The following GRK3 variants were observed in gnomAD, a reference collection of about 807,000 sequenced individuals.
GRK3 encodes the protein adrenergic, beta, receptor kinase 2.
A neutral mutation model predicts 95.7 loss-of-function variants in GRK3; 54 were observed. The observed-to-expected ratio is 0.56, with a 90% confidence interval of 0.45 to 0.71. GRK3 has a LOEUF of 0.71. Ranked by LOEUF, GRK3 falls within the 30% of genes least tolerant of loss-of-function variation. The probability of loss-of-function intolerance (pLI) is 0.00; values close to 1 mark genes in which losing one functional copy is unlikely to be tolerated. For missense variants in GRK3, 649 were observed against 851.2 expected (o/e 0.76, Z 2.96); for synonymous variants, 281 against 290.8 (o/e 0.97, Z 0.34).
chr22:25,676,882 C>T (rs2085034307), intron 8 of GRK3, among the ~76,000 whole-genome samples: 1 of 152,140 alleles, frequency 6.6e-6, no homozygotes, highest in Admixed American at 6.5e-5. Flanking sequence ...CATGTCTGTT[C>T]CTGTCACCAG....
intron 11 of GRK3, among the ~76,000 whole-genome samples, chr22:25,687,917 C>G (rs1188451586): frequency 1.3e-5 from 2 of 152,106 alleles, no homozygotes; most frequent in African/African-American, 4.8e-5. Context: ...GTATACTAAG[C>G]CAAATATTTA....
intron 9 of GRK3, among the ~76,000 whole-genome samples, chr22:25,682,835 C>T (rs1201042384): frequency 6.6e-6 from 1 of 152,218 alleles, no homozygotes; most frequent in African/African-American, 2.4e-5. Context: ...CTCCCAGTCA[C>T]TAACCCTGCA....
Position 25,692,386 on chromosome 22 carries a change from TGAG to T in GRK3, c.1052+2110_1052+2112del, listed in dbSNP as rs1441789411. 2.6e-5 allele frequency among the ~76,000 whole-genome samples: 4 copies of T among 152,320 alleles called. No individual in the cohort carries two copies. In the South Asian group the frequency reaches 6.2e-4, roughly 24 times the overall value. On this transcript the variant is annotated intron_variant, in intron 12 of 20. Coordinates refer to ENST00000324198, the MANE Select transcript of GRK3 (RefSeq NM_005160.4). The stretch of plus-strand genomic sequence containing the variant: ...TGTGTCAGCCTCATTGTCCCTTCTG[TGAG>T]GAGGAGAGGACAATGATATTTATCT...
At chr22:25,576,846 T>C (rs1239041629) in intron 1 of GRK3, among the ~76,000 whole-genome samples, 1 of 152,220 alleles carries the variant, frequency 6.6e-6, no homozygotes, top group Non-Finnish European at 1.5e-5. Flanking sequence ...TCAGTAAAGA[T>C]TATCCACTGC....
At chr22:25,599,143 T>A (rs143853637) in intron 1 of GRK3, among the ~76,000 whole-genome samples, 130 of 152,296 alleles carry the variant, frequency 8.5e-4, no homozygotes, top group African/African-American at 2.9e-3. Context: ...AAGAAAAAGT[T>A]TTTGTGACCT....
Position 25,648,711 on chromosome 22 carries a change from C to T in GRK3, c.264+4046C>T, listed in dbSNP as rs144018945. Reference sequence around the variant, plus strand: ...GGAAGGAGATGGAAAGTATTTGAAGCTTCCACAAATGGTTGATATGCCTGC... The same window carrying T: ...GGAAGGAGATGGAAAGTATTTGAAGTTTCCACAAATGGTTGATATGCCTGC... On this transcript the variant is annotated intron_variant, in intron 3 of 20. Coordinates refer to ENST00000324198, the MANE Select transcript of GRK3 (RefSeq NM_005160.4). 24 of 1,050,110 alleles carry T rather than the reference C, an allele frequency of 2.3e-5. No homozygotes were observed. The East Asian group carries it at 5.0e-4, about 22-fold the overall frequency. 65.0% of individuals were successfully genotyped at this position (1,050,110 alleles called of 1,614,324 possible).
At chr22:25,680,595 G>A (rs1310041485) in intron 9 of GRK3, among the ~76,000 whole-genome samples, 1 of 152,140 alleles carries the variant, frequency 6.6e-6, no homozygotes, top group Non-Finnish European at 1.5e-5. Flanking sequence ...TGGTTAAGTG[G>A]TTGTGTAGTT....
In GRK3 at chr22:25,673,223, G is replaced by A. The variant is rs181266811; in HGVS notation, c.555+876G>A. On this transcript the variant is annotated intron_variant, in intron 7 of 20. Coordinates refer to ENST00000324198, the MANE Select transcript of GRK3 (RefSeq NM_005160.4). Reference sequence around the variant, plus strand: ...ACTACAGGCACCCGCCACCATGCCCGGCTAATTTTTTGTATTTTTTAGTAG... The same window carrying A: ...ACTACAGGCACCCGCCACCATGCCCAGCTAATTTTTTGTATTTTTTAGTAG... Among the ~76,000 whole-genome samples, 354 of 151,918 alleles carry A rather than the reference G, an allele frequency of 2.3e-3. 5 individuals are homozygous for A. In the Middle Eastern group the frequency reaches 0.027, roughly 12 times the overall value.
In GRK3 at chr22:25,565,003, C is replaced by A; in HGVS notation, c.-38C>A. The A allele has an allele frequency of 2.7e-6, 3 of 1,108,138 alleles. No individual in the cohort carries two copies. 68.6% of individuals were successfully genotyped at this position (1,108,138 alleles called of 1,614,324 possible). A position where few individuals can be genotyped will look rare whatever the true frequency, so the allele number is the denominator to read the frequency against. On this transcript the variant is annotated 5_prime_UTR_variant, in exon 1 of 21. Coordinates refer to ENST00000324198, the MANE Select transcript of GRK3 (RefSeq NM_005160.4). ...GGCGGGCGCGCGTCCCGTCCAGGTCCGGAGTAACCGCCGCCGCCGCCGCCA... is the reference window on the plus strand; with the variant it reads ...GGCGGGCGCGCGTCCCGTCCAGGTCAGGAGTAACCGCCGCCGCCGCCGCCA...
chr22:25,672,863 T>A (rs539209870), intron 7 of GRK3, among the ~76,000 whole-genome samples: 1 of 152,126 alleles, frequency 6.6e-6, no homozygotes, highest in South Asian at 2.1e-4. Context: ...TTCATCTACT[T>A]TAAGTTTTCA....
chr22:25,613,026 G>C (rs2084510768), intron 2 of GRK3, among the ~76,000 whole-genome samples: 1 of 152,076 alleles, frequency 6.6e-6, no homozygotes, highest in East Asian at 1.9e-4. Flanking sequence ...CTTGCCACTC[G>C]ATTTCATCAT....
chr22:25,648,073 G>A lies in GRK3; in HGVS notation c.264+3408G>A, dbSNP rs567522013. ...GGAGGTTGCAGTGAGCTGAGATCGC[G>A]CCACTGCACTCCAGCCTCGGCGACA... On this transcript the variant is annotated intron_variant, in intron 3 of 20. Transcript: ENST00000324198. 4.5e-4 allele frequency: 243 copies of A among 538,948 alleles called. 1 individual carries two copies. The highest frequency in any genetic ancestry group is 3.1e-3 in the Middle Eastern group (6 of 1,942). The allele number at this position is 538,948 out of a possible 1,614,324, so 33.4% of individuals were successfully genotyped here. A position where few individuals can be genotyped will look rare whatever the true frequency, so the allele number is the denominator to read the frequency against.
intron 2 of GRK3, among the ~76,000 whole-genome samples, chr22:25,643,538 T>C (rs1394925517): frequency 6.6e-6 from 1 of 152,242 alleles, no homozygotes; most frequent in African/African-American, 2.4e-5. Context: ...TGGTAGACTT[T>C]GTGAGTCTTT....
intron 5 of GRK3, among the ~76,000 whole-genome samples, chr22:25,666,509 C>T (rs771918651): frequency 1.9e-4 from 29 of 152,306 alleles, no homozygotes; most frequent in Admixed American, 5.2e-4. Context: ...ATGGTTTTCG[C>T]AACTAGCTCC....
chr22:25,580,840 A>G (rs1932073183), intron 1 of GRK3, among the ~76,000 whole-genome samples: 1 of 152,188 alleles, frequency 6.6e-6, no homozygotes, highest in Non-Finnish European at 1.5e-5. Flanking sequence ...TAAAGGTGGG[A>G]TAAGTCGAGT....
intron 8 of GRK3, among the ~76,000 whole-genome samples, chr22:25,675,026 G>C (rs2085016257): frequency 6.6e-6 from 1 of 152,144 alleles, no homozygotes; most frequent in South Asian, 2.1e-4. Context: ...AGGGCCAAAT[G>C]GGAAGTTCAA....
intron 1 of GRK3, among the ~76,000 whole-genome samples, chr22:25,578,214 A>G (rs1390304581): frequency 2.0e-5 from 3 of 152,154 alleles, no homozygotes; most frequent in Non-Finnish European, 4.4e-5. Context: ...TTTCCATCAC[A>G]TAGGCACCTC....
At chr22:25,668,808 A>T (rs949088438) in intron 6 of GRK3, among the ~76,000 whole-genome samples, 22 of 152,122 alleles carry the variant, frequency 1.4e-4, no homozygotes, top group African/African-American at 5.3e-4. Context: ...GTGATCCTTA[A>T]GGGAGAAGGG....
intron 12 of GRK3, among the ~76,000 whole-genome samples, chr22:25,694,262 G>A (rs1267956906): frequency 1.3e-5 from 2 of 152,180 alleles, no homozygotes; most frequent in African/African-American, 4.8e-5. Flanking sequence ...TGGATGAAAA[G>A]GTTGTAGGGC....
Sources: gnomAD v4.1 joint callset for allele counts (sites outside exome capture counted in the v4.1 genomes callset) on GRCh38, gnomAD v4.1.1 for gene constraint, MANE v1.5 for transcripts, NCBI Gene and HGNC (gene_info 2026-07-23, HGNC 2026-07-21) for gene names.